Variants in SAMD12 observed in about 807,000 individuals in gnomAD.
SAMD12 encodes sterile alpha motif domain containing 12.
A neutral mutation model predicts 15.0 loss-of-function variants in SAMD12; 9 were observed. The ratio of observed to expected loss-of-function variants is 0.60; its 90% CI spans 0.36 to 1.05. The LOEUF (loss-of-function observed/expected upper bound fraction) is 1.05, where lower values mean the gene tolerates loss of function less well. SAMD12 is among the 50% of genes least tolerant of loss of function. The pLI, the probability that SAMD12 is intolerant of heterozygous loss-of-function variation, is 0.01. For synonymous variants in SAMD12, 86 were observed against 90.1 expected (o/e 0.96, Z 0.25); for missense variants, 230 against 234.2 (o/e 0.98, Z 0.12).
intron 4 of SAMD12, among the ~76,000 whole-genome samples, chr8:118,229,145 A>AG (rs1812250176): frequency 6.6e-6 from 1 of 152,034 alleles, no homozygotes; most frequent in South Asian, 2.1e-4. Flanking sequence ...GAAGAGTGGG[A>AG]GGGGGGCGAG....
At chr8:118,138,373 G>A in the SAMD12 span, among the ~76,000 whole-genome samples, 1 of 152,232 alleles carries the variant, frequency 6.6e-6, no homozygotes, top group Non-Finnish European at 1.5e-5. Context: ...GACAGAGTTA[G>A]TAGGTGAGGC....
At chr8:118,249,615 A>G (rs1812775301) in intron 4 of SAMD12, among the ~76,000 whole-genome samples, 1 of 152,124 alleles carries the variant, frequency 6.6e-6, no homozygotes, top group African/African-American at 2.4e-5. Flanking sequence ...TACCCTATAC[A>G]ATAGTATCTT....
chr8:118,158,043 A>G, the SAMD12 span, among the ~76,000 whole-genome samples: 1 of 152,184 alleles, frequency 6.6e-6, no homozygotes, highest in African/African-American at 2.4e-5. Flanking sequence ...CAAGGGTGAG[A>G]GTCCAGGGAG....
chr8:118,398,179 T>C (rs924345028), intron 3 of SAMD12, among the ~76,000 whole-genome samples: 28 of 152,246 alleles, frequency 1.8e-4, no homozygotes, highest in Admixed American at 1.4e-3. Flanking sequence ...GGCAGATCAT[T>C]TGAGGTCAGC....
chr8:118,204,492 T>A (rs1819807037), intron 4 of SAMD12, among the ~76,000 whole-genome samples: 1 of 152,106 alleles, frequency 6.6e-6, no homozygotes, highest in Non-Finnish European at 1.5e-5. Context: ...TGGTGGCTCA[T>A]GCCTGTAATC....
At chr8:118,327,136 G>T (rs1459744224) in intron 4 of SAMD12, among the ~76,000 whole-genome samples, 1 of 152,206 alleles carries the variant, frequency 6.6e-6, no homozygotes, top group East Asian at 1.9e-4. Context: ...ATTCTAATGT[G>T]ATTGATTTTT....
At chr8:118,393,981 A>G (rs2130764398) in intron 3 of SAMD12, among the ~76,000 whole-genome samples, 1 of 150,730 alleles carries the variant, frequency 6.6e-6, no homozygotes, top group South Asian at 2.1e-4. Flanking sequence ...GGCTTCATCA[A>G]TAAAAGAGTA....
chr8:118,219,228 C>T (rs1160962675), intron 4 of SAMD12, among the ~76,000 whole-genome samples: 1 of 152,178 alleles, frequency 6.6e-6, no homozygotes, highest in Non-Finnish European at 1.5e-5. Context: ...ACTCGAATTG[C>T]TTGCTGTGTG....
At chr8:118,566,118 A>G (rs1485375347) in intron 2 of SAMD12, among the ~76,000 whole-genome samples, 1 of 152,184 alleles carries the variant, frequency 6.6e-6, no homozygotes. Context: ...CTAGGTGTAA[A>G]ATTCAGATGA....
exon 5 of SAMD12, chr8:118,192,225 C>G (rs1459055799): frequency 6.6e-6 from 1 of 151,808 alleles, no homozygotes; most frequent in African/African-American, 2.4e-5. Flanking sequence ...AGAATTTGGG[C>G]GGTGGCGGTG....
intron 2 of SAMD12, among the ~76,000 whole-genome samples, chr8:118,484,632 T>C (rs1824226935): frequency 6.6e-6 from 1 of 152,118 alleles, no homozygotes; most frequent in African/African-American, 2.4e-5. Flanking sequence ...AAAATACCAC[T>C]GTCCTCTTTT....
At chr8:118,572,938 G>A (rs1024783075) in intron 2 of SAMD12, among the ~76,000 whole-genome samples, 3 of 152,206 alleles carry the variant, frequency 2.0e-5, no homozygotes, top group South Asian at 4.2e-4. Flanking sequence ...TGCTCTTCTC[G>A]TGATAGTGAG....
chr8:118,220,785 AAAAC>A (rs1310483841), intron 4 of SAMD12, among the ~76,000 whole-genome samples: 1 of 152,204 alleles, frequency 6.6e-6, no homozygotes, highest in Admixed American at 6.5e-5. Context: ...ACAAAAATAA[AAAAC>A]AAACACATCA....
intron 4 of SAMD12, among the ~76,000 whole-genome samples, chr8:118,331,376 G>A (rs759617370): frequency 1.3e-5 from 2 of 152,124 alleles, no homozygotes; most frequent in Non-Finnish European, 1.5e-5. Flanking sequence ...CTTTTACTAT[G>A]GACTTACTGA....
intron 2 of SAMD12, among the ~76,000 whole-genome samples, chr8:118,517,803 G>A (rs543939347): frequency 6.6e-6 from 1 of 152,288 alleles, no homozygotes; most frequent in Non-Finnish European, 1.5e-5. Context: ...AATTTTGGTT[G>A]CAACTCAGCC....
intron 4 of SAMD12, among the ~76,000 whole-genome samples, chr8:118,296,562 C>T (rs972825571): frequency 6.6e-6 from 1 of 152,256 alleles, no homozygotes; most frequent in Admixed American, 6.5e-5. Flanking sequence ...ACACTCTTCA[C>T]ATATCTCCAG....
intron 2 of SAMD12, among the ~76,000 whole-genome samples, chr8:118,572,872 G>A (rs184351099): frequency 9.3e-4 from 141 of 152,178 alleles, no homozygotes; most frequent in African/African-American, 2.0e-3. Context: ...TAATCCCCAC[G>A]TGTTGTGGGA....
At chr8:118,183,251 G>C in the SAMD12 span, among the ~76,000 whole-genome samples, 7 of 152,210 alleles carry the variant, frequency 4.6e-5, no homozygotes, top group African/African-American at 1.7e-4. Flanking sequence ...CCAAGTCATT[G>C]CTGGCTACAT....
intron 2 of SAMD12, among the ~76,000 whole-genome samples, chr8:118,442,537 A>G (rs938509608): frequency 6.6e-6 from 1 of 152,148 alleles, no homozygotes; most frequent in Non-Finnish European, 1.5e-5. Context: ...TAAATGAATA[A>G]ATGTTTTTAT....
Sources: gnomAD v4.1 joint callset for allele counts (sites outside exome capture counted in the v4.1 genomes callset) on GRCh38, gnomAD v4.1.1 for gene constraint, MANE v1.5 for transcripts, NCBI Gene and HGNC (gene_info 2026-07-23, HGNC 2026-07-21) for gene names.